The following FNDC3A variants were observed in gnomAD, a reference collection of about 807,000 sequenced individuals.
The protein encoded by FNDC3A is fibronectin type III domain containing 3A, also known as fibronectin type-III domain-containing protein 3A.
In FNDC3A, 32 loss-of-function variants were observed where a neutral mutation model predicts 148.9. That is an observed-to-expected ratio of 0.21 (90% CI 0.16 to 0.29). FNDC3A has a LOEUF of 0.29. Among genes scored for constraint, FNDC3A ranks in the 10% least tolerant of loss-of-function variants. FNDC3A has a pLI of 1.00. For synonymous variants in FNDC3A, 472 were observed against 473.6 expected (o/e 1.00, Z 0.04); for missense variants, 1,191 against 1,452.8 (o/e 0.82, Z 2.93).
chr13:49,184,235 G>T (rs1234335185), intron 14 of FNDC3A, among the ~76,000 whole-genome samples: 17 of 152,202 alleles, frequency 1.1e-4, no homozygotes, highest in Admixed American at 3.9e-4. Flanking sequence ...TGTAGGCATG[G>T]TGTGGAATTT....
chr13:49,157,587 G>T (rs1329152288), intron 8 of FNDC3A, among the ~76,000 whole-genome samples: 1 of 151,340 alleles, frequency 6.6e-6, no homozygotes, highest in South Asian at 2.1e-4. Flanking sequence ...TTTGGAGGAG[G>T]AGAGGTGCTC....
chr13:49,006,303 A>G lies in FNDC3A; in HGVS notation c.99+14A>G. On this transcript the variant is annotated intron_variant, in intron 2 of 25. Coordinates refer to ENST00000492622, the MANE Select transcript of FNDC3A (RefSeq NM_001079673.2). ...GGAACACAACAGGTAAGAAAACTGA[A>G]ATGTTTATTTCTTTATGTCTAATAC... The G allele has an allele frequency of 6.8e-7, 1 of 1,472,336 alleles. No homozygotes were observed. The highest frequency in any genetic ancestry group is 9.5e-7 in the Non-Finnish European group (1 of 1,054,326). The allele number at this position is 1,472,336 out of a possible 1,614,324, so 91.2% of individuals were successfully genotyped here. A position where few individuals can be genotyped will look rare whatever the true frequency, so the allele number is the denominator to read the frequency against.
chr13:48,976,478 G>A lies in FNDC3A; in HGVS notation c.-40+301G>A, dbSNP rs568959452. ...CGGCCGGGGGCGCCATCCAGCCCAAGAGGAGGCGGCATCTAGCCCGAGGGA... is the reference window on the plus strand; with the variant it reads ...CGGCCGGGGGCGCCATCCAGCCCAAAAGGAGGCGGCATCTAGCCCGAGGGA... On this transcript the variant is annotated intron_variant, in intron 1 of 25. Transcript: ENST00000492622. 888 of 153,308 alleles carry A rather than the reference G, an allele frequency of 5.8e-3. 5 individuals are homozygous for A. The highest frequency in any genetic ancestry group is 0.011 in the Non-Finnish European group (724 of 68,926). The allele number at this position is 153,308 out of a possible 1,614,324, so 9.5% of individuals were successfully genotyped here. A position where few individuals can be genotyped will look rare whatever the true frequency, so the allele number is the denominator to read the frequency against.
In FNDC3A at chr13:49,148,495, C is replaced by T. The variant is rs116826766; in HGVS notation, c.977+2560C>T. On this transcript the variant is annotated intron_variant, in intron 8 of 25. Transcript: ENST00000492622. ...TCCTTTCCCCAGTGTATGTTCTTGGCACCATTGTTAAAAAGTCATTTGGCT... is the reference window on the plus strand; with the variant it reads ...TCCTTTCCCCAGTGTATGTTCTTGGTACCATTGTTAAAAAGTCATTTGGCT... 2.3e-3 allele frequency among the ~76,000 whole-genome samples: 344 copies of T among 152,192 alleles called. 1 individual carries two copies. The highest frequency in any genetic ancestry group is 8.0e-3 in the African/African-American group (331 of 41,540).
chr13:49,136,497 A>G lies in FNDC3A; in HGVS notation c.656A>G (p.Asn219Ser), dbSNP rs1336669232. Reference protein sequence around the residue: ...QKCPSPINEHNGLIKGQIAGG... With the variant: ...QKCPSPINEHSGLIKGQIAGG... ...TGCCCTTCTCCCATTAATGAACATA[A>G]TGGACTTATAAAAGGACAAATTGCT... Residue 219 changes from asparagine (N) to serine (S), a missense_variant, in exon 6 of 26, where the codon AAT becomes AGT. This residue lies in a region of FNDC3A where 426 missense variants were observed against 473.2 expected (regional missense o/e 0.90). Coordinates refer to ENST00000492622, the MANE Select transcript of FNDC3A (RefSeq NM_001079673.2). 3.7e-6 allele frequency: 6 copies of G among 1,614,120 alleles called. No individual in the cohort carries two copies. Among genetic ancestry groups the G allele is most frequent in the East Asian group, 4.5e-5 (2 of 44,866 alleles).
chr13:49,015,110 A>G (rs1321004551), intron 2 of FNDC3A, among the ~76,000 whole-genome samples: 3 of 152,164 alleles, frequency 2.0e-5, no homozygotes, highest in Admixed American at 1.3e-4. Flanking sequence ...ATGAACTTTA[A>G]AGTAGTTTTT....
intron 3 of FNDC3A, among the ~76,000 whole-genome samples, chr13:49,078,447 T>A (rs1420904949): frequency 6.6e-6 from 1 of 152,230 alleles, no homozygotes; most frequent in East Asian, 1.9e-4. Flanking sequence ...TTTCTCTATA[T>A]GACAGATTGT....
chr13:49,207,197 C>G lies in FNDC3A; in HGVS notation c.3399C>G (p.Leu1133=), dbSNP rs767190619. Residue 1133 remains leucine, a synonymous_variant, in exon 26 of 26, where the codon CTC becomes CTG. Transcript: ENST00000492622. The stretch of plus-strand genomic sequence containing the variant: ...AAGACTCTCTGGGACACCAGGACCT[C>G]GTAGGTCCCTACAGCACCACAGTGC... ...QCQDSLGHQD[L]VGPYSTTVLF... 2.5e-6 allele frequency: 4 copies of G among 1,613,808 alleles called. No individual in the cohort carries two copies. The South Asian group carries it at 4.4e-5, about 18-fold the overall frequency.
chr13:49,137,584 G>T (rs1977260), intron 6 of FNDC3A, among the ~76,000 whole-genome samples: 1 of 152,234 alleles, frequency 6.6e-6, no homozygotes, highest in Non-Finnish European at 1.5e-5. Flanking sequence ...GGCTCAAGCA[G>T]TCCACCCACC....
chr13:49,117,122 T>C (rs1881020643), intron 4 of FNDC3A, among the ~76,000 whole-genome samples: 1 of 152,326 alleles, frequency 6.6e-6, no homozygotes, highest in East Asian at 1.9e-4. Context: ...GCCTGTCATA[T>C]AGTAGGAGCT....
rs112420001 is a variant in FNDC3A, at chr13:49,102,080, C to G, written c.176-12575C>G. Among the ~76,000 whole-genome samples, 727 of 152,108 alleles carry G rather than the reference C, an allele frequency of 4.8e-3. 10 individuals are homozygous for G. The highest frequency in any genetic ancestry group is 0.016 in the African/African-American group (685 of 41,522). On this transcript the variant is annotated intron_variant, in intron 3 of 25. Coordinates refer to ENST00000492622, the MANE Select transcript of FNDC3A (RefSeq NM_001079673.2). Reference sequence around the variant, plus strand: ...CTCTAACTCTTGGGCTTAAGCATTCCTCCCACCTCAGCCTCCCCAAATGCT... The same window carrying G: ...CTCTAACTCTTGGGCTTAAGCATTCGTCCCACCTCAGCCTCCCCAAATGCT...
chr13:48,988,928 A>G (rs1257155137), intron 1 of FNDC3A, among the ~76,000 whole-genome samples: 1 of 152,172 alleles, frequency 6.6e-6, no homozygotes, highest in Non-Finnish European at 1.5e-5. Flanking sequence ...GTGTTCAGCA[A>G]AGTATGGATA....
intron 2 of FNDC3A, among the ~76,000 whole-genome samples, chr13:49,060,832 C>G (rs545338269): frequency 6.6e-6 from 1 of 151,828 alleles, no homozygotes; most frequent in African/African-American, 2.4e-5. Context: ...ACCAGGGGCT[C>G]GGAATAGGGT....
chr13:49,178,025 A>G lies in FNDC3A; in HGVS notation c.1531-543A>G, dbSNP rs552512159. Among the ~76,000 whole-genome samples, 8 of 152,248 alleles carry G rather than the reference A, an allele frequency of 5.3e-5. No homozygotes were observed. In the East Asian group the frequency reaches 1.4e-3, roughly 26 times the overall value. ...TTTACAGTATATGAATTATATCTCAATTTTTTTAATTCAAAAAATGATAAC... is the reference window on the plus strand; with the variant it reads ...TTTACAGTATATGAATTATATCTCAGTTTTTTTAATTCAAAAAATGATAAC... On this transcript the variant is annotated intron_variant, in intron 13 of 25. Transcript: ENST00000492622.
At chr13:49,196,855 C>G (rs776576263) in intron 19 of FNDC3A, 22 bp from the exon 20 acceptor site, 7 of 1,315,172 alleles carry the variant, frequency 5.3e-6, no homozygotes, top group Non-Finnish European at 7.6e-6. Flanking sequence ...AATAAAAACA[C>G]TAGTTACATT....
chr13:49,126,962 T>G (rs1293494570), intron 4 of FNDC3A, among the ~76,000 whole-genome samples: 1 of 151,720 alleles, frequency 6.6e-6, no homozygotes, highest in Non-Finnish European at 1.5e-5. Context: ...TAGGGAAGAG[T>G]TCATGGAGGA....
At position 48,986,421 on chromosome 13, in the gene FNDC3A, A is replaced by C. The variant is rs1466800832; in HGVS notation, c.-40+10244A>C. On this transcript the variant is annotated intron_variant, in intron 1 of 25. Transcript: ENST00000492622. ...TTTTTTTTTTTTTTTTTTGAGGCGG[A>C]GTCTTGCTCTGTCGCCCAGGCTGGA... 8.7e-5 allele frequency among the ~76,000 whole-genome samples: 5 copies of C among 57,448 alleles called. No individual in the cohort carries two copies. In the East Asian group the frequency reaches 3.1e-3, roughly 35 times the overall value. 37.7% of individuals were successfully genotyped at this position (57,448 alleles called of 152,430 possible).
chr13:49,094,330 C>T (rs1021092842), intron 3 of FNDC3A, among the ~76,000 whole-genome samples: 4 of 152,008 alleles, frequency 2.6e-5, no homozygotes, highest in African/African-American at 4.8e-5. Flanking sequence ...GAAGGCTTTT[C>T]CAATTCATTT....
chr13:48,978,834 A>C (rs1251882414), intron 1 of FNDC3A, among the ~76,000 whole-genome samples: 3 of 152,210 alleles, frequency 2.0e-5, no homozygotes, highest in African/African-American at 7.2e-5. Flanking sequence ...TGTGAATGTC[A>C]AAAACTACTT....
Sources: allele counts gnomAD v4.1 joint callset (sites outside exome capture counted in the v4.1 genomes callset), GRCh38; gene constraint gnomAD v4.1.1; regional missense constraint gnomAD v4.1.1; transcripts MANE v1.5; gene names NCBI Gene and HGNC (gene_info 2026-07-23, HGNC 2026-07-21).